The following MYO16 variants were observed in gnomAD, a reference collection of about 807,000 sequenced individuals.
MYO16 encodes the protein myosin XVI.
MYO16 carries 94 observed loss-of-function variants against 205.3 expected under a neutral mutation model. The ratio of observed to expected loss-of-function variants is 0.46; its 90% CI spans 0.39 to 0.54. The LOEUF (loss-of-function observed/expected upper bound fraction) is 0.54. MYO16 is among the 20% of genes least tolerant of loss of function. MYO16 has a pLI of 0.00. For missense variants in MYO16, 2,315 were observed against 2,387.5 expected (o/e 0.97, Z 0.63); for synonymous variants, 988 against 954.0 (o/e 1.04, Z -0.66).
chr13:108,816,764 C>G (rs1455506606), intron 7 of MYO16, among the ~76,000 whole-genome samples: 1 of 152,170 alleles, frequency 6.6e-6, no homozygotes, highest in Admixed American at 6.5e-5. Context: ...CCAGTGTACA[C>G]CTAAAATATG....
the MYO16 span, among the ~76,000 whole-genome samples, chr13:108,497,177 A>T: frequency 6.6e-6 from 1 of 152,198 alleles, no homozygotes; most frequent in Admixed American, 6.5e-5. Flanking sequence ...ATGATTGAGG[A>T]GGGGCCAACC....
intron 34 of MYO16, among the ~76,000 whole-genome samples, chr13:109,200,017 G>A (rs1229505021): frequency 6.6e-6 from 1 of 152,146 alleles, no homozygotes. Context: ...TTTTCTCTAT[G>A]AGAAGAGTAA....
At position 109,094,981 on chromosome 13, in the gene MYO16, G is replaced by A. The variant is rs371338813; in HGVS notation, c.3336-5804G>A. ...TAAAGGGCTTTGGCTGCTATTCCCT[G>A]CTACATTCCCAGCACCTAGGAGCAT... On this transcript the variant is annotated intron_variant, in intron 27 of 34. Coordinates refer to ENST00000457511, the MANE Select transcript of MYO16 (RefSeq NM_001198950.3). Among the ~76,000 whole-genome samples, 55 of 152,282 alleles carry A rather than the reference G, an allele frequency of 3.6e-4. No individual in the cohort carries two copies. The East Asian group carries it at 9.8e-3, about 27-fold the overall frequency.
chr13:108,597,643 G>A (rs1019419784), intron 1 of MYO16, among the ~76,000 whole-genome samples: 1 of 152,016 alleles, frequency 6.6e-6, no homozygotes, highest in African/African-American at 2.4e-5. Context: ...AAATGCAATT[G>A]GTAGTTCTCC....
At chr13:108,508,491 G>A in the MYO16 span, among the ~76,000 whole-genome samples, 14 of 148,348 alleles carry the variant, frequency 9.4e-5, no homozygotes, top group Admixed American at 6.7e-5. Context: ...CAAGCCAACC[G>A]TTCTCTTTTG....
At chr13:108,575,097 A>T in the MYO16 span, among the ~76,000 whole-genome samples, 1 of 152,144 alleles carries the variant, frequency 6.6e-6, no homozygotes, top group Non-Finnish European at 1.5e-5. Flanking sequence ...GTCACACCTC[A>T]AGTGTTCATG....
the MYO16 span, among the ~76,000 whole-genome samples, chr13:108,548,807 A>G: frequency 6.6e-6 from 1 of 152,198 alleles, no homozygotes; most frequent in South Asian, 2.1e-4. Flanking sequence ...TTTGCTAAGA[A>G]TTCATTAATT....
chr13:109,192,610 A>G (rs1054731367), intron 34 of MYO16, among the ~76,000 whole-genome samples: 1 of 152,176 alleles, frequency 6.6e-6, no homozygotes, highest in Non-Finnish European at 1.5e-5. Context: ...CAATGGAATG[A>G]GAACCATTGT....
intron 27 of MYO16, among the ~76,000 whole-genome samples, chr13:109,078,282 A>C (rs2139664117): frequency 6.6e-6 from 1 of 151,970 alleles, no homozygotes; most frequent in East Asian, 1.9e-4. Flanking sequence ...CAAAAAAAAA[A>C]AAAAAAAATT....
chr13:108,871,322 TTGTGTGTGTGTG>T (rs58117690), intron 12 of MYO16, among the ~76,000 whole-genome samples: 28 of 131,570 alleles, frequency 2.1e-4, no homozygotes, highest in African/African-American at 5.2e-4. Flanking sequence ...CTATGTGACT[TTGTGTGTGTGTG>T]TGTGTGTGTG....
Position 109,162,789 on chromosome 13 carries a change from G to C in MYO16, c.5165-2112G>C, listed in dbSNP as rs546117705. ...GTGAAAGCAACATAAAAGCAGGTGA[G>C]TACATCTTGAGCCAGTTTTAAAACA... On this transcript the variant is annotated intron_variant, in intron 32 of 34. Coordinates refer to ENST00000457511, the MANE Select transcript of MYO16 (RefSeq NM_001198950.3). The surrounding 1 kb of genome is among the most constrained non-coding windows in gnomAD (Gnocchi z 4.6). 6.6e-6 allele frequency among the ~76,000 whole-genome samples: 1 copy of C among 152,044 alleles called. No homozygotes were observed. The highest frequency in any genetic ancestry group is 1.9e-4 in the East Asian group (1 of 5,166).
chr13:109,149,793 C>T (rs1313388639), intron 32 of MYO16, among the ~76,000 whole-genome samples: 1 of 152,144 alleles, frequency 6.6e-6, no homozygotes, highest in East Asian at 1.9e-4. Flanking sequence ...TTCTGCAGTA[C>T]CAGGGATGCA....
intron 1 of MYO16, among the ~76,000 whole-genome samples, chr13:108,658,272 T>C (rs1881332812): frequency 1.3e-5 from 2 of 152,288 alleles, no homozygotes; most frequent in South Asian, 2.1e-4. Context: ...AATTGGTTCA[T>C]TTTCCACTTC....
chr13:109,146,419 G>A (rs995544706), intron 32 of MYO16, among the ~76,000 whole-genome samples: 3 of 151,998 alleles, frequency 2.0e-5, no homozygotes, highest in African/African-American at 7.2e-5. Context: ...CTTCTCTGTG[G>A]CCCATCCTAT....
intron 27 of MYO16, among the ~76,000 whole-genome samples, chr13:109,082,117 A>T (rs1041141734): frequency 2.0e-5 from 3 of 152,166 alleles, no homozygotes; most frequent in African/African-American, 4.8e-5. Context: ...GAGCTTCTCA[A>T]CTTGGCATTT....
chr13:108,919,266 C>T (rs1340661169), intron 16 of MYO16, among the ~76,000 whole-genome samples: 1 of 152,256 alleles, frequency 6.6e-6, no homozygotes, highest in Non-Finnish European at 1.5e-5. Flanking sequence ...CCTTCCTGCC[C>T]CACCTTCCCT....
intron 20 of MYO16, among the ~76,000 whole-genome samples, chr13:108,979,351 A>G (rs1884379747): frequency 6.6e-6 from 1 of 151,934 alleles, no homozygotes; most frequent in South Asian, 2.1e-4. Flanking sequence ...AGTATATTCC[A>G]GAAGTTTTAT....
chr13:108,630,893 T>G, intron 1 of MYO16, among the ~76,000 whole-genome samples: 1 of 152,318 alleles, frequency 6.6e-6, no homozygotes, highest in East Asian at 1.9e-4. Flanking sequence ...AAAACTATGA[T>G]TAATGGAAAT....
chr13:109,101,949 G>C (rs1888980533), intron 28 of MYO16: 2 of 152,174 alleles, frequency 1.3e-5, no homozygotes, highest in Admixed American at 1.3e-4. Flanking sequence ...CCCAGTCTAA[G>C]TAAAACAGGG....
Sources: allele counts gnomAD v4.1 joint callset (sites outside exome capture counted in the v4.1 genomes callset), GRCh38; gene constraint gnomAD v4.1.1; non-coding constraint Gnocchi (gnomAD v3.1); transcripts MANE v1.5; gene names NCBI Gene and HGNC (gene_info 2026-07-23, HGNC 2026-07-21).